The following SLC2A13 variants were observed in gnomAD, a reference collection of about 807,000 sequenced individuals.
SLC2A13 encodes the protein proton myo-inositol cotransporter.
Under a neutral mutation model 64.4 loss-of-function variants are expected in SLC2A13, and 32 were observed. The ratio of observed to expected loss-of-function variants is 0.50; its 90% CI spans 0.37 to 0.67. SLC2A13 has a LOEUF of 0.67. Among genes scored for constraint, SLC2A13 ranks in the 30% least tolerant of loss-of-function variants. SLC2A13 has a pLI of 0.00. For synonymous variants in SLC2A13, 338 were observed against 327.1 expected (o/e 1.03, Z -0.36); for missense variants, 743 against 829.2 (o/e 0.90, Z 1.28).
chr12:40,036,285 CAG>C (rs1947982656), intron 2 of SLC2A13, among the ~76,000 whole-genome samples: 1 of 152,092 alleles, frequency 6.6e-6, no homozygotes. Context: ...AGGAATATAA[CAG>C]AGAAATCCAC....
intron 6 of SLC2A13, among the ~76,000 whole-genome samples, chr12:39,835,147 T>C (rs1942971337): frequency 1.3e-5 from 2 of 152,128 alleles, no homozygotes; most frequent in Non-Finnish European, 2.9e-5. Flanking sequence ...TGGTCTATTT[T>C]GGTGAAAAGC....
At chr12:40,075,401 G>C (rs780834304) in intron 1 of SLC2A13, among the ~76,000 whole-genome samples, 11 of 152,182 alleles carry the variant, frequency 7.2e-5, no homozygotes, top group Admixed American at 3.3e-4. Context: ...TGCCTCTCCA[G>C]TTTTGGGGGT....
intron 7 of SLC2A13, among the ~76,000 whole-genome samples, chr12:39,780,959 T>A (rs975293665): frequency 3.3e-5 from 5 of 152,220 alleles, no homozygotes; most frequent in Non-Finnish European, 1.5e-5. Context: ...AAGAGCTTTG[T>A]AAATAATGAG....
intron 7 of SLC2A13, 118 bp from the exon 8 acceptor site, chr12:39,764,976 T>C: frequency 8.4e-7 from 1 of 1,197,476 alleles, no homozygotes; most frequent in East Asian, 2.5e-5. Flanking sequence ...TCCAAAATGT[T>C]TTTCTTAAAA....
chr12:39,835,858 T>A (rs1339986526), intron 6 of SLC2A13: 1 of 152,108 alleles, frequency 6.6e-6, no homozygotes, highest in Non-Finnish European at 1.5e-5. Flanking sequence ...TTGACGTAAA[T>A]ATATTAGTCA....
At chr12:40,085,234 T>C (rs1363314899) in intron 1 of SLC2A13, among the ~76,000 whole-genome samples, 4 of 152,190 alleles carry the variant, frequency 2.6e-5, no homozygotes, top group African/African-American at 9.7e-5. Flanking sequence ...TTGTATCCTT[T>C]GAAATAAACC....
chr12:39,810,154 C>T (rs1040093444), intron 7 of SLC2A13, among the ~76,000 whole-genome samples: 2 of 152,156 alleles, frequency 1.3e-5, no homozygotes, highest in Admixed American at 6.6e-5. Context: ...GACATCTTAA[C>T]CATATTAAGT....
intron 1 of SLC2A13, among the ~76,000 whole-genome samples, chr12:40,077,424 CTTG>C (rs1565616976): frequency 6.6e-6 from 1 of 152,128 alleles, no homozygotes; most frequent in Admixed American, 6.5e-5. Context: ...TTCCCCATTG[CTTG>C]TTATTGTCGA....
At chr12:39,987,380 C>T (rs11174614) in intron 3 of SLC2A13, among the ~76,000 whole-genome samples, 72 of 152,268 alleles carry the variant, frequency 4.7e-4, no homozygotes, top group African/African-American at 1.5e-3. Context: ...TCTCTTGAAC[C>T]GAAAACTTGC....
intron 7 of SLC2A13, among the ~76,000 whole-genome samples, chr12:39,787,143 G>A (rs911095984): frequency 5.3e-5 from 8 of 152,080 alleles, no homozygotes; most frequent in African/African-American, 1.9e-4. Flanking sequence ...TTCGGTATAT[G>A]GCTAGTTTTA....
chr12:39,888,167 C>T (rs1944515692), intron 4 of SLC2A13, among the ~76,000 whole-genome samples: 1 of 152,238 alleles, frequency 6.6e-6, no homozygotes, highest in Middle Eastern at 3.4e-3. Flanking sequence ...CTGCTGCCTG[C>T]CCAGTTCATG....
chr12:39,828,436 T>C (rs1213101920), intron 7 of SLC2A13, among the ~76,000 whole-genome samples: 1 of 152,126 alleles, frequency 6.6e-6, no homozygotes, highest in Non-Finnish European at 1.5e-5. Flanking sequence ...GAGTGAGTTG[T>C]TGAATTAATT....
intron 3 of SLC2A13, among the ~76,000 whole-genome samples, chr12:39,981,276 A>T (rs1392267923): frequency 6.6e-6 from 1 of 151,372 alleles, no homozygotes; most frequent in Non-Finnish European, 1.5e-5. Context: ...TAGAAAAGCA[A>T]GAGCAAACAC....
chr12:39,961,667 T>TA (rs1478588959), intron 3 of SLC2A13, among the ~76,000 whole-genome samples: 7 of 151,406 alleles, frequency 4.6e-5, no homozygotes, highest in Admixed American at 1.3e-4. Flanking sequence ...TCTGGCTAAT[T>TA]AAAAAAAAAT....
chr12:39,960,381 T>C (rs192561256), intron 3 of SLC2A13, among the ~76,000 whole-genome samples: 38 of 152,344 alleles, frequency 2.5e-4, no homozygotes, highest in African/African-American at 9.1e-4. Context: ...CTTTATAATG[T>C]TGGCTAGTAT....
chr12:39,896,128 G>A (rs1944827725), intron 4 of SLC2A13, among the ~76,000 whole-genome samples: 1 of 144,084 alleles, frequency 6.9e-6, no homozygotes, highest in Non-Finnish European at 1.5e-5. Flanking sequence ...ATACATATAT[G>A]TATACACGTG....
At chr12:39,821,373 A>G (rs892961693) in intron 7 of SLC2A13, among the ~76,000 whole-genome samples, 15 of 152,016 alleles carry the variant, frequency 9.9e-5, no homozygotes, top group Admixed American at 3.9e-4. Context: ...TTGTGCCACT[A>G]CACTCCAGCC....
intron 1 of SLC2A13, among the ~76,000 whole-genome samples, chr12:40,053,745 T>C (rs1948295776): frequency 6.6e-6 from 1 of 152,154 alleles, no homozygotes; most frequent in South Asian, 2.1e-4. Flanking sequence ...TTTATGAAAC[T>C]GGGAAAGTAG....
intron 7 of SLC2A13, among the ~76,000 whole-genome samples, chr12:39,804,893 A>G (rs1376891437): frequency 6.7e-6 from 1 of 150,368 alleles, no homozygotes; most frequent in Admixed American, 6.7e-5. Context: ...CTGTTTTGAC[A>G]GGGCTCTCAG....
Sources: allele counts gnomAD v4.1 joint callset (sites outside exome capture counted in the v4.1 genomes callset), GRCh38; gene constraint gnomAD v4.1.1; transcripts MANE v1.5; gene names NCBI Gene and HGNC (gene_info 2026-07-23, HGNC 2026-07-21).